MASP2: variants seen among roughly 807,000 people sequenced by gnomAD.
MASP2 encodes the protein mannan-binding lectin serine protease 2.
In MASP2, 49 loss-of-function variants were observed where a neutral mutation model predicts 57.1. The ratio of observed to expected loss-of-function variants is 0.86; its 90% CI spans 0.68 to 1.09. MASP2 has a LOEUF of 1.09. Ranked by LOEUF, MASP2 falls within the 50% of genes least tolerant of loss-of-function variation. The pLI is 0.00. For synonymous variants in MASP2, 379 were observed against 340.8 expected, an observed-to-expected ratio of 1.11 and a Z score of -1.24; for missense variants, 900 against 874.8, an observed-to-expected ratio of 1.03 and a Z score of -0.36.
chr1:11,029,687 G>T (rs1643809504), intron 10 of MASP2: 1 of 120,014 alleles, frequency 8.3e-6, no homozygotes, highest in Non-Finnish European at 1.6e-5. Flanking sequence ...TGTTGCCCAG[G>T]CTAGAGTATA....
chr1:11,038,563 T>C (rs1376676551), intron 6 of MASP2, among the ~76,000 whole-genome samples: 1 of 152,170 alleles, frequency 6.6e-6, no homozygotes, highest in Non-Finnish European at 1.5e-5. Context: ...CACTGGTCAG[T>C]TTCGGAGTCC....
At chr1:11,035,572 GCA>G (rs1643880860) in intron 7 of MASP2, among the ~76,000 whole-genome samples, 3 of 150,414 alleles carry the variant, frequency 2.0e-5, no homozygotes, top group Admixed American at 6.6e-5. Flanking sequence ...CAACATTTCT[GCA>G]TCTGATGTTC....
At position 11,026,656 on chromosome 1, in the gene MASP2, A is replaced by C. The variant is rs1260245884; in HGVS notation, c.*229T>G. ...AGCAGTGACATTACACTGGGTGGGC[A>C]AAGATGACTGTCACTCTCGTGGTTT... On this transcript the variant is annotated 3_prime_UTR_variant, in exon 11 of 11. Transcript: ENST00000400897. 5.3e-6 allele frequency: 2 copies of C among 374,654 alleles called. No individual in the cohort carries two copies. Among genetic ancestry groups the C allele is most frequent in the African/African-American group, 4.2e-5 (2 of 47,966 alleles). 23.2% of individuals were successfully genotyped at this position (374,654 alleles called of 1,614,324 possible). A position where few individuals can be genotyped will look rare whatever the true frequency, so the allele number is the denominator to read the frequency against.
At position 11,037,591 on chromosome 1, in the gene MASP2, A is replaced by G. The variant is rs1248072282; in HGVS notation, c.1008+102T>C. 22 of 697,790 alleles carry G rather than the reference A, an allele frequency of 3.2e-5. No homozygotes were observed. The East Asian group carries it at 3.8e-4, about 12-fold the overall frequency. 43.2% of individuals were successfully genotyped at this position (697,790 alleles called of 1,614,324 possible). ...AAGATAGACAAAAGAAATCATGCTG[A>G]CACACGATTTTCTCACTTTCCTTTC... On this transcript the variant is annotated intron_variant, in intron 7 of 10. Transcript: ENST00000400897.
chr1:11,045,651 T>C, intron 3 of MASP2, 112 bp from the exon 4 acceptor site: 1 of 1,274,778 alleles, frequency 7.8e-7, no homozygotes, highest in Non-Finnish European at 1.1e-6. Flanking sequence ...GGAGGCCTCG[T>C]CCTGTCTAGG....
chr1:11,028,696 G>GTT, intron 10 of MASP2, among the ~76,000 whole-genome samples: 4 of 104,666 alleles, frequency 3.8e-5, no homozygotes, highest in African/African-American at 1.6e-4. Flanking sequence ...TATCTTTCTG[G>GTT]GTTTTTTTTC....
rs1643761893 is a variant in MASP2 at position 11,027,626 on chromosome 1, T to A, written c.1320A>T (p.Thr440=). Residue 440 remains threonine, a synonymous_variant, in exon 11 of 11, where the codon ACA becomes ACT. Coordinates refer to ENST00000400897, the MANE Select transcript of MASP2 (RefSeq NM_006610.4). The stretch of plus-strand genomic sequence containing the variant: ...GCCCTCCATATATACGCCCTCCTGT[T>A]GTGCGGGCTGATAGTCCACAAACTG... ...CEPVCGLSAR[T]TGGRIYGGQK... The A allele has an allele frequency of 2.5e-6, 4 of 1,611,614 alleles. No individual in the cohort carries two copies. In the East Asian group the frequency reaches 8.9e-5, roughly 36 times the overall value.
chr1:11,035,367 A>T (rs11121685), intron 7 of MASP2, among the ~76,000 whole-genome samples: 102,428 of 151,660 alleles, frequency 0.68, 36,909 homozygotes, highest in Non-Finnish European at 0.8. Flanking sequence ...CTACTAAAAA[A>T]ATACAAAAAA....
At chr1:11,030,547 C>A (rs566920863) in intron 9 of MASP2, 1 of 591,508 alleles carries the variant, frequency 1.7e-6, no homozygotes, top group South Asian at 2.2e-5. Flanking sequence ...TTGTAGTAGT[C>A]ATTTACTAGA....
chr1:11,044,679 G>A, intron 4 of MASP2: 1 of 936,162 alleles, frequency 1.1e-6, no homozygotes, highest in South Asian at 1.7e-5. Context: ...AGGAGCCTGT[G>A]GCCCCATGGA....
chr1:11,035,559 T>TAC (rs1643880747), intron 7 of MASP2, among the ~76,000 whole-genome samples: 1 of 121,410 alleles, frequency 8.2e-6, no homozygotes, highest in African/African-American at 3.2e-5. Flanking sequence ...CATCATCATA[T>TAC]CTCAACATTT....
rs1202915878 is a variant in MASP2, at chr1:11,045,449, CG to C, written c.502del (p.Arg168AlafsTer107). ...NHLGGFYCSCRAGYVLHRNKR... is the reference protein window; with the variant it reads ...NHLGGFYCSCXAGYVLHRNKR... ...GTTACGGTGCAGGACGTAGCCTGCG[CG>C]GCAGGAGCAGTAGAAACCGCCCAGG... is the stretch of plus-strand genomic sequence containing the variant. On this transcript the variant is annotated frameshift_variant, in exon 4 of 11. Coordinates refer to ENST00000400897, the MANE Select transcript of MASP2 (RefSeq NM_006610.4). LOFTEE classifies it high-confidence loss of function. The C allele has an allele frequency of 6.2e-7, 1 of 1,613,094 alleles. No homozygotes were observed. Among genetic ancestry groups the C allele is most frequent in the Non-Finnish European group, 8.5e-7 (1 of 1,179,978 alleles).
At chr1:11,044,610 C>T (rs1340058487) in intron 4 of MASP2, among the ~76,000 whole-genome samples, 1 of 152,118 alleles carries the variant, frequency 6.6e-6, no homozygotes, top group Non-Finnish European at 1.5e-5. Flanking sequence ...TGGACTCGAG[C>T]GAGGCCTTGC....
intron 6 of MASP2, among the ~76,000 whole-genome samples, chr1:11,041,687 A>AT: frequency 7.6e-4 from 2 of 2,634 alleles, no homozygotes; most frequent in African/African-American, 1.7e-3. Flanking sequence ...GGATGGCTGG[A>AT]AGTATGGGTG....
At chr1:11,027,679 T>C in intron 10 of MASP2, 31 bp from the exon 11 acceptor site, 1 of 1,543,368 alleles carries the variant, frequency 6.5e-7, no homozygotes, top group Non-Finnish European at 8.7e-7. Flanking sequence ...GTAGAGAGCC[T>C]TTGTAAAAAT....
chr1:11,027,100 T>C lies in MASP2; in HGVS notation c.1846A>G (p.Met616Val), dbSNP rs772857324. ...CCACTTTCTAAGCCAGCACAAAGCATGTTAGCAGTTACACTTCCCCTTGGA... is the reference window on the plus strand; with the variant it reads ...CCACTTTCTAAGCCAGCACAAAGCACGTTAGCAGTTACACTTCCCCTTGGA... The part of the protein sequence containing the change: ...PYPRGSVTAN[M>V]LCAGLESGGK... Residue 616 changes from methionine (M) to valine (V), a missense_variant, in exon 11 of 11, where the codon ATG becomes GTG. Met to Val is a conservative substitution (Grantham distance 21, BLOSUM62 1). Transcript: ENST00000400897. The C allele has an allele frequency of 1.9e-6, 3 of 1,607,294 alleles. No homozygotes were observed. The highest frequency in any genetic ancestry group is 1.7e-6 in the Non-Finnish European group (2 of 1,176,394).
At chr1:11,035,023 G>T (rs1570743250) in intron 7 of MASP2, 117 bp from the exon 8 acceptor site, 10 of 675,404 alleles carry the variant, frequency 1.5e-5, no homozygotes, top group Admixed American at 2.9e-5. Flanking sequence ...CCTGAAGGGG[G>T]TGGCAGCACA....
intron 8 of MASP2, among the ~76,000 whole-genome samples, chr1:11,032,117 T>G (rs2100878976): frequency 1.3e-5 from 2 of 151,790 alleles, no homozygotes; most frequent in Middle Eastern, 6.9e-3. Flanking sequence ...GTGCCTGTAG[T>G]CCAAGCTACT....
chr1:11,027,056 T>C lies in MASP2; in HGVS notation c.1890A>G (p.Arg630=), dbSNP rs1643746648. ...GLESGGKDSC[R]GDSGGALVFL... is the part of the protein sequence containing the mutation. ...ACACCAGTGCCCCTCCGCTGTCACC[T>C]CTGCAGCTGTCCTTGCCCCCACTTT... The change falls in exon 11 of 11, where the codon AGA becomes AGG. Residue 630 remains arginine (R), a synonymous_variant. Transcript: ENST00000400897. The C allele has an allele frequency of 6.3e-7, 1 of 1,592,520 alleles. No individual in the cohort carries two copies. The highest frequency in any genetic ancestry group is 1.3e-5 in the African/African-American group (1 of 74,340).
Sources: allele counts gnomAD v4.1 joint callset (sites outside exome capture counted in the v4.1 genomes callset), GRCh38; gene constraint gnomAD v4.1.1; transcripts MANE v1.5; gene names NCBI Gene and HGNC (gene_info 2026-07-23, HGNC 2026-07-21).